Variants in GAK observed in about 807,000 individuals in gnomAD.
GAK encodes cyclin-G-associated kinase.
GAK carries 79 observed loss-of-function variants against 143.9 expected under a neutral mutation model. The ratio of observed to expected loss-of-function variants is 0.55; its 90% CI spans 0.46 to 0.66. The LOEUF (loss-of-function observed/expected upper bound fraction) is 0.66, where lower values mean the gene tolerates loss of function less well. GAK is among the 30% of genes least tolerant of loss of function. The probability of loss-of-function intolerance (pLI) is 0.00; values close to 1 mark genes in which losing one functional copy is unlikely to be tolerated. For synonymous variants in GAK, 881 were observed against 765.5 expected (o/e 1.15, Z -2.49); for missense variants, 1,693 against 1,779.7 (o/e 0.95, Z 0.88).
chr4:868,861 C>T (rs1228472592), intron 19 of GAK, 176 bp from the exon 20 acceptor site: 3 of 646,522 alleles, frequency 4.6e-6, no homozygotes, highest in Non-Finnish European at 7.9e-6. Context: ...TTCCTGCTAT[C>T]CACTCGGATG....
At chr4:912,317 G>A in intron 3 of GAK, 1 of 386,994 alleles carries the variant, frequency 2.6e-6, no homozygotes, top group Non-Finnish European at 5.3e-6. Context: ...GTCATGCTGG[G>A]ACAGCCTGAG....
In GAK at chr4:884,100, G is replaced by C; in HGVS notation, c.1206-14C>G. On this transcript the variant is annotated splice_polypyrimidine_tract_variant and intron_variant, in intron 11 of 27. Transcript: ENST00000314167. ...CCCTTTGCATAACTGGAATTAAAAA[G>C]AAGAGAACTTGGTTATGACAAGAAA... The C allele has an allele frequency of 9.9e-6, 16 of 1,611,904 alleles. No homozygotes were observed. Among genetic ancestry groups the C allele is most frequent in the Non-Finnish European group, 1.4e-5 (16 of 1,178,190 alleles).
At chr4:925,920 A>G (rs1256636989) in intron 1 of GAK, among the ~76,000 whole-genome samples, 1 of 152,190 alleles carries the variant, frequency 6.6e-6, no homozygotes, top group African/African-American at 2.4e-5. Flanking sequence ...GACAACCATG[A>G]GCAATTCACC....
rs562570008 is a variant in GAK, at chr4:907,956, C to T, written c.383-3177G>A. The stretch of plus-strand genomic sequence containing the variant: ...CCTCTCCTTCCCACACCACCCCATG[C>T]AGGGTCAGCGATGAGCCGCTGGCCC... On this transcript the variant is annotated intron_variant, in intron 4 of 27. Transcript: ENST00000314167. Among the ~76,000 whole-genome samples, 5 of 152,298 alleles carry T rather than the reference C, an allele frequency of 3.3e-5. No individual in the cohort carries two copies. In the South Asian group the frequency reaches 1.0e-3, roughly 32 times the overall value.
rs746430803 is a variant in GAK, at chr4:892,931, G to A, written c.990+446C>T. ...CCCCGGGGTCTCGGCCCTGGGCTGC[G>A]GTGGTGACCCTGCTCCTGCAGGAGC... On this transcript the variant is annotated intron_variant, in intron 9 of 27. Coordinates refer to ENST00000314167, the MANE Select transcript of GAK (RefSeq NM_005255.4). 1.1e-4 allele frequency among the ~76,000 whole-genome samples: 17 copies of A among 152,264 alleles called. No individual in the cohort carries two copies. In the South Asian group the frequency reaches 1.9e-3, roughly 17 times the overall value.
At chr4:865,314 G>C in intron 22 of GAK, 70 bp from the exon 23 acceptor site, 4 of 1,599,746 alleles carry the variant, frequency 2.5e-6, no homozygotes, top group Non-Finnish European at 3.4e-6. Context: ...CGGGGCGCCA[G>C]GCTGTGCTCA....
chr4:914,400 C>CCA (rs1722654411), intron 1 of GAK, among the ~76,000 whole-genome samples: 2 of 122,328 alleles, frequency 1.6e-5, no homozygotes, highest in East Asian at 2.6e-4. Context: ...TGCACGGCCC[C>CCA]ACACACAGAG....
rs146446950 is a variant in GAK at position 898,223 on chromosome 4, C to T, written c.526-65G>A. ...GACAGAGATGGGACTTCAGGGAAAA[C>T]GAACGGGTGTGAGACACAGCCAGGG... On this transcript the variant is annotated intron_variant, in intron 5 of 27. Transcript: ENST00000314167. The T allele has an allele frequency of 7.2e-3, 11,413 of 1,589,082 alleles. 87 individuals are homozygous for T. Among genetic ancestry groups the T allele is most frequent in the Middle Eastern group, 0.032 (191 of 5,984 alleles).
Position 882,110 on chromosome 4 carries a change from G to A in GAK, c.1528-70C>T, listed in dbSNP as rs1715256666. On this transcript the variant is annotated intron_variant, in intron 14 of 27. Coordinates refer to ENST00000314167, the MANE Select transcript of GAK (RefSeq NM_005255.4). The stretch of plus-strand genomic sequence containing the variant: ...GGACAAGGGCTCGCGGGGTCCTCGG[G>A]CATCCTACCCACCCTGTGGCTGCAG... 7 of 1,490,316 alleles carry A rather than the reference G, an allele frequency of 4.7e-6. 1 individual carries two copies. The South Asian group carries it at 8.7e-5, about 18-fold the overall frequency. The allele number at this position is 1,490,316 out of a possible 1,614,324, so 92.3% of individuals were successfully genotyped here.
At chr4:867,660 C>T (rs751743539) in intron 20 of GAK, among the ~76,000 whole-genome samples, 7 of 149,412 alleles carry the variant, frequency 4.7e-5, no homozygotes, top group Admixed American at 2.7e-4. Context: ...GGCACCTCCT[C>T]GGCCCAGGGC....
chr4:851,282 G>C lies in GAK; in HGVS notation c.3509-198C>G. On this transcript the variant is annotated intron_variant, in intron 25 of 27. Coordinates refer to ENST00000314167, the MANE Select transcript of GAK (RefSeq NM_005255.4). Reference sequence around the variant, plus strand: ...CTGGCTAATTTTTACATTTTTTGTAGAGAGGAGGTATCACTGTTGCCCAAG... The same window carrying C: ...CTGGCTAATTTTTACATTTTTTGTACAGAGGAGGTATCACTGTTGCCCAAG... The C allele has an allele frequency of 8.1e-6, 4 of 492,458 alleles. No individual in the cohort carries two copies. In the South Asian group the frequency reaches 8.7e-5, roughly 11 times the overall value. The allele number at this position is 492,458 out of a possible 1,614,324, so 30.5% of individuals were successfully genotyped here. A position where few individuals can be genotyped will look rare whatever the true frequency, so the allele number is the denominator to read the frequency against.
intron 15 of GAK, among the ~76,000 whole-genome samples, chr4:881,371 G>A (rs978972961): frequency 3.3e-5 from 5 of 152,184 alleles, no homozygotes; most frequent in South Asian, 2.1e-4. Context: ...CTCCTCGGGC[G>A]TGGACACCTG....
intron 5 of GAK, among the ~76,000 whole-genome samples, chr4:899,346 G>A (rs944557840): frequency 2.6e-5 from 4 of 152,188 alleles, no homozygotes; most frequent in Admixed American, 6.5e-5. Flanking sequence ...GAAGAACAAT[G>A]CCAGCACAGG....
At chr4:890,106 C>G (rs1016058707) in intron 10 of GAK, among the ~76,000 whole-genome samples, 4 of 152,254 alleles carry the variant, frequency 2.6e-5, no homozygotes, top group Admixed American at 2.6e-4. Flanking sequence ...GGGATGCCCC[C>G]TCCAGCCCCA....
intron 16 of GAK, 39 bp from the exon 17 acceptor site, chr4:877,246 C>T: frequency 1.5e-6 from 2 of 1,324,182 alleles, no homozygotes; most frequent in Non-Finnish European, 2.2e-6. Flanking sequence ...TTAAAAACCC[C>T]CAAAACCAAC....
chr4:880,254 G>C (rs1396669089), intron 15 of GAK, among the ~76,000 whole-genome samples: 2 of 151,106 alleles, frequency 1.3e-5, no homozygotes, highest in Non-Finnish European at 2.9e-5. Context: ...TCTCTCCACA[G>C]CTCTGACATG....
chr4:887,509 T>C (rs1467229815), intron 11 of GAK: 1 of 141,590 alleles, frequency 7.1e-6, no homozygotes, highest in Non-Finnish European at 1.5e-5. Context: ...CACATGCATG[T>C]GGCTCACACA....
intron 24 of GAK, among the ~76,000 whole-genome samples, chr4:857,580 A>T (rs1749512220): frequency 6.6e-6 from 1 of 152,162 alleles, no homozygotes; most frequent in African/African-American, 2.4e-5. Flanking sequence ...TAAGTCGTCA[A>T]GCATACTGCA....
intron 1 of GAK, among the ~76,000 whole-genome samples, chr4:922,285 C>T (rs530597554): frequency 6.6e-6 from 1 of 152,110 alleles, no homozygotes; most frequent in African/African-American, 2.4e-5. Context: ...GAGGCCGAGG[C>T]GGGCAGATCA....
Sources: allele counts gnomAD v4.1 joint callset (sites outside exome capture counted in the v4.1 genomes callset), GRCh38; gene constraint gnomAD v4.1.1; transcripts MANE v1.5; gene names NCBI Gene and HGNC (gene_info 2026-07-23, HGNC 2026-07-21).